Variants in BCL9 observed in about 807,000 individuals in gnomAD.
BCL9 encodes the protein B-cell CLL/lymphoma 9 protein.
BCL9 carries 25 observed loss-of-function variants against 88.5 expected under a neutral mutation model. The observed-to-expected ratio is 0.28, with a 90% confidence interval of 0.21 to 0.39. The LOEUF (loss-of-function observed/expected upper bound fraction) is 0.39. Among genes scored for constraint, BCL9 ranks in the 10% least tolerant of loss-of-function variants. The pLI is 1.00. For synonymous variants in BCL9, 711 were observed against 673.3 expected (o/e 1.06, Z -0.87); for missense variants, 1,817 against 1,877.8 (o/e 0.97, Z 0.60).
At position 147,624,852 on chromosome 1, in the gene BCL9, C is replaced by G. The variant is rs370076965; in HGVS notation, c.4174C>G (p.Gln1392Glu). ...MSMQGMMGPQQNIMIPPQMRP... is the reference protein window; with the variant it reads ...MSMQGMMGPQENIMIPPQMRP... ...CATGCAGGGCATGATGGGACCCCAA[C>G]AGAACATCATGATCCCCCCACAGAT... Residue 1392 changes from glutamine (Q) to glutamate (E), a missense_variant, in exon 10 of 10, where the codon CAG becomes GAG. By Grantham distance (29) the Gln-to-Glu change is conservative. Coordinates refer to ENST00000234739, the MANE Select transcript of BCL9 (RefSeq NM_004326.4). This position sits in a 1 kb window ranked among gnomAD's most constrained non-coding sequence, Gnocchi z 4.4. 1.9e-6 allele frequency: 3 copies of G among 1,613,940 alleles called. No individual in the cohort carries two copies. The highest frequency in any genetic ancestry group is 1.3e-5 in the African/African-American group (1 of 74,890).
At chr1:147,587,690 A>G (rs1472200085) in intron 1 of BCL9, among the ~76,000 whole-genome samples, 2 of 151,958 alleles carry the variant, frequency 1.3e-5, no homozygotes, top group African/African-American at 2.4e-5. Context: ...TTGCATTTTA[A>G]TGGGAATCTT....
Position 147,622,676 on chromosome 1 carries a change from T to C in BCL9, c.3163+145T>C. On this transcript the variant is annotated intron_variant, in intron 9 of 9. Coordinates refer to ENST00000234739, the MANE Select transcript of BCL9 (RefSeq NM_004326.4). ...TCCATCTAAGGTAGTTTCAGTAGAA[T>C]GAAAGTGTCTTGACTAGAGGAAGAT... 3 of 1,034,266 alleles carry C rather than the reference T, an allele frequency of 2.9e-6. No homozygotes were observed. The South Asian group carries it at 5.0e-5, about 17-fold the overall frequency. 64.1% of individuals were successfully genotyped at this position (1,034,266 alleles called of 1,614,324 possible).
chr1:147,562,331 AAAAT>A (rs112623935), intron 1 of BCL9, among the ~76,000 whole-genome samples: 5 of 152,012 alleles, frequency 3.3e-5, no homozygotes, highest in African/African-American at 9.7e-5. Context: ...TTCCATCTCA[AAAAT>A]AAATAAATAA....
At chr1:147,581,976 G>A (rs958774026) in intron 1 of BCL9, among the ~76,000 whole-genome samples, 2 of 151,938 alleles carry the variant, frequency 1.3e-5, no homozygotes, top group Admixed American at 6.6e-5. Context: ...TCATTGTAGA[G>A]AACTAAAACA....
rs587758649 is a variant in BCL9 at position 147,608,425 on chromosome 1, G to A, written c.-260+1559G>A. On this transcript the variant is annotated intron_variant, in intron 3 of 9. Transcript: ENST00000234739. ...ACAGACAGAGGGGATGGCCAGAGGGGAAAATGAGAGCTCTCAGAAGGCTGG... is the reference window on the plus strand; with the variant it reads ...ACAGACAGAGGGGATGGCCAGAGGGAAAAATGAGAGCTCTCAGAAGGCTGG... Among the ~76,000 whole-genome samples the A allele has an allele frequency of 1.3e-3, 201 of 150,840 alleles. 2 individuals carry two copies. The highest frequency in any genetic ancestry group is 2.1e-3 in the Non-Finnish European group (141 of 67,822).
intron 4 of BCL9, among the ~76,000 whole-genome samples, chr1:147,612,639 G>C (rs1446138565): frequency 6.6e-6 from 1 of 152,110 alleles, no homozygotes; most frequent in Non-Finnish European, 1.5e-5. Context: ...CCTGGAGATG[G>C]GTCCCCATGT....
At chr1:147,573,965 G>GA (rs1384036862) in intron 1 of BCL9, among the ~76,000 whole-genome samples, 19 of 149,086 alleles carry the variant, frequency 1.3e-4, no homozygotes, top group East Asian at 2.0e-4. Context: ...GCCTTGAAGG[G>GA]AAAAAAAAAA....
At chr1:147,597,917 G>A (rs1296934418) in intron 1 of BCL9, among the ~76,000 whole-genome samples, 4 of 152,190 alleles carry the variant, frequency 2.6e-5, no homozygotes, top group Non-Finnish European at 5.9e-5. Flanking sequence ...AGGGCTTAAC[G>A]CTTAGTAAAA....
intron 1 of BCL9, among the ~76,000 whole-genome samples, chr1:147,580,214 A>G (rs1553198473): frequency 6.6e-6 from 1 of 152,180 alleles, no homozygotes; most frequent in African/African-American, 2.4e-5. Context: ...TCTCAAAACC[A>G]ATCCTGTGTG....
rs782694098 is a variant in BCL9, at chr1:147,620,005, G to T, written c.1850G>T (p.Arg617Leu). The change falls in exon 8 of 10, where the codon CGA becomes CTA. Residue 617 changes from arginine (R) to leucine (L), a missense_variant. Transcript: ENST00000234739. ...CAGGGCATTTTCAGCGGTCCTGGCC[G>T]AGGGGAACGCTTCCCAAACCCCCAA... Reference protein sequence around the residue: ...PGQGIFSGPGRGERFPNPQGL... With the variant: ...PGQGIFSGPGLGERFPNPQGL... The T allele has an allele frequency of 1.2e-6, 2 of 1,614,188 alleles. No homozygotes were observed. Among genetic ancestry groups the T allele is most frequent in the African/African-American group, 1.3e-5 (1 of 75,046 alleles).
At chr1:147,574,078 A>G (rs1477099749) in intron 1 of BCL9, among the ~76,000 whole-genome samples, 1 of 152,162 alleles carries the variant, frequency 6.6e-6, no homozygotes, top group African/African-American at 2.4e-5. Flanking sequence ...TGACATTGTT[A>G]TTATCCCTAC....
Position 147,619,938 on chromosome 1 carries a change from G to A in BCL9, c.1783G>A (p.Asp595Asn). ...PGLSGVSWPD[D>N]VPKIPDGRNF... ...TCTTTCTGGAGTCAGTTGGCCAGAT[G>A]ATGTGCCAAAAATCCCAGATGGTCG... The change falls in exon 8 of 10, where the codon GAT becomes AAT. Residue 595 changes from aspartate (D) to asparagine (N), a missense_variant. By Grantham distance (23) the Asp-to-Asn change is conservative. Coordinates refer to ENST00000234739, the MANE Select transcript of BCL9 (RefSeq NM_004326.4). The surrounding 1 kb of genome is among the most constrained non-coding windows in gnomAD (Gnocchi z 4.1). 6.2e-7 allele frequency: 1 copy of A among 1,614,216 alleles called. No homozygotes were observed. Among genetic ancestry groups the A allele is most frequent in the Non-Finnish European group, 8.5e-7 (1 of 1,180,044 alleles).
chr1:147,595,024 G>T (rs1656987182), intron 1 of BCL9, among the ~76,000 whole-genome samples: 1 of 152,208 alleles, frequency 6.6e-6, no homozygotes, highest in East Asian at 1.9e-4. Context: ...AGATGACAAG[G>T]TTGGTCTTGC....
intron 1 of BCL9, among the ~76,000 whole-genome samples, chr1:147,572,192 A>C (rs1655917571): frequency 6.6e-6 from 1 of 152,240 alleles, no homozygotes; most frequent in Non-Finnish European, 1.5e-5. Context: ...CAGTGAGCCA[A>C]GATTGCGCCA....
At chr1:147,575,888 T>C (rs2101539240) in intron 1 of BCL9, among the ~76,000 whole-genome samples, 1 of 152,348 alleles carries the variant, frequency 6.6e-6, no homozygotes, top group East Asian at 1.9e-4. Context: ...CTGCAATCTT[T>C]AAAAATGTAC....
chr1:147,603,635 G>A (rs587624980), intron 1 of BCL9, among the ~76,000 whole-genome samples: 98 of 152,116 alleles, frequency 6.4e-4, no homozygotes, highest in African/African-American at 2.3e-3. Context: ...CCAAGTAGCT[G>A]GGATTACAGG....
At chr1:147,587,933 G>C (rs1184883739) in intron 1 of BCL9, among the ~76,000 whole-genome samples, 1 of 151,910 alleles carries the variant, frequency 6.6e-6, no homozygotes, top group Middle Eastern at 3.2e-3. Context: ...AAATTACGTA[G>C]GTTTACAAAA....
intron 1 of BCL9, among the ~76,000 whole-genome samples, chr1:147,576,970 G>A (rs1656140083): frequency 6.6e-6 from 1 of 152,180 alleles, no homozygotes; most frequent in African/African-American, 2.4e-5. Context: ...ACGTTATTTT[G>A]TGTGGACAGG....
intron 1 of BCL9, among the ~76,000 whole-genome samples, chr1:147,571,557 C>A (rs587712255): frequency 6.6e-6 from 1 of 152,232 alleles, no homozygotes; most frequent in Non-Finnish European, 1.5e-5. Flanking sequence ...TAGCCCCTCC[C>A]CAGGTTATGT....
Sources: allele counts gnomAD v4.1 joint callset (sites outside exome capture counted in the v4.1 genomes callset), GRCh38; gene constraint gnomAD v4.1.1; non-coding constraint Gnocchi (gnomAD v3.1); transcripts MANE v1.5; gene names NCBI Gene and HGNC (gene_info 2026-07-23, HGNC 2026-07-21).